The following SLC35G2 variants were observed in gnomAD, a reference collection of about 807,000 sequenced individuals.
The protein encoded by SLC35G2 is transmembrane protein 22.
A neutral mutation model predicts 27.2 loss-of-function variants in SLC35G2; 20 were observed. That is an observed-to-expected ratio of 0.74 (90% CI 0.52 to 1.07). The LOEUF is 1.07. Among genes scored for constraint, SLC35G2 ranks in the 50% least tolerant of loss-of-function variants. SLC35G2 has a pLI of 0.00. For missense variants in SLC35G2, 416 were observed against 493.3 expected, an observed-to-expected ratio of 0.84 and a Z score of 1.48; for synonymous variants, 148 against 165.3, an observed-to-expected ratio of 0.90 and a Z score of 0.80.
At chr3:136,819,998 C>T (rs1936406351) in intron 1 of SLC35G2, 1 of 152,246 alleles carries the variant, frequency 6.6e-6, no homozygotes, top group African/African-American at 2.4e-5. Flanking sequence ...CATTTGGCCT[C>T]ATTTGAGAGG....
intron 1 of SLC35G2, among the ~76,000 whole-genome samples, chr3:136,841,529 G>C (rs989061184): frequency 2.0e-5 from 3 of 152,048 alleles, no homozygotes; most frequent in Non-Finnish European, 4.4e-5. Flanking sequence ...GGGAGTTCGA[G>C]ACCAGCCTGA....
chr3:136,846,252 T>G (rs561222109), intron 1 of SLC35G2, among the ~76,000 whole-genome samples: 13 of 152,316 alleles, frequency 8.5e-5, no homozygotes, highest in African/African-American at 3.1e-4. Context: ...GCCATAGGAA[T>G]GAGGTGGTCT....
At chr3:136,837,143 AACACAC>A (rs35792092) in intron 1 of SLC35G2, among the ~76,000 whole-genome samples, 3 of 149,712 alleles carry the variant, frequency 2.0e-5, no homozygotes, top group East Asian at 1.9e-4. Flanking sequence ...ACACACACAC[AACACAC>A]ACACACACAC....
intron 1 of SLC35G2, among the ~76,000 whole-genome samples, chr3:136,824,468 A>T (rs1463995585): frequency 2.0e-5 from 3 of 152,080 alleles, no homozygotes; most frequent in Non-Finnish European, 4.4e-5. Context: ...TAGGTATTTA[A>T]TTTGATTTGT....
Position 136,855,786 on chromosome 3 carries a change from A to G in SLC35G2, c.*87A>G, listed in dbSNP as rs899288671. The G allele has an allele frequency of 9.5e-6, 10 of 1,048,854 alleles. No homozygotes were observed. The highest frequency in any genetic ancestry group is 3.1e-4 in the Middle Eastern group (1 of 3,254). 65.0% of individuals were successfully genotyped at this position (1,048,854 alleles called of 1,614,324 possible). On this transcript the variant is annotated 3_prime_UTR_variant, in exon 2 of 2. Transcript: ENST00000446465. ...TACCTATGAATGTCTTTTGTGTTAT[A>G]TAACTGACAGAGTGCTATAAAATAT...
chr3:136,848,826 G>T (rs1937509568), intron 1 of SLC35G2, among the ~76,000 whole-genome samples: 1 of 152,092 alleles, frequency 6.6e-6, no homozygotes, highest in Non-Finnish European at 1.5e-5. Context: ...ATTACCTATT[G>T]GGTGCAATGC....
chr3:136,851,295 C>T (rs1225854280), intron 1 of SLC35G2, among the ~76,000 whole-genome samples: 3 of 151,440 alleles, frequency 2.0e-5, no homozygotes, highest in Admixed American at 6.6e-5. Context: ...GAGATCGAGA[C>T]CGTCCTGGCT....
At chr3:136,825,566 A>G (rs1936564897) in intron 1 of SLC35G2, among the ~76,000 whole-genome samples, 1 of 152,048 alleles carries the variant, frequency 6.6e-6, no homozygotes, top group Non-Finnish European at 1.5e-5. Flanking sequence ...TTATGCTGGG[A>G]TATGTTCCTT....
chr3:136,833,196 A>G (rs910945058), intron 1 of SLC35G2, among the ~76,000 whole-genome samples: 6 of 152,072 alleles, frequency 3.9e-5, no homozygotes, highest in Non-Finnish European at 8.8e-5. Flanking sequence ...ACAGTGGGAG[A>G]ATTTAGATGA....
chr3:136,853,659 A>T (rs761803305), intron 1 of SLC35G2, among the ~76,000 whole-genome samples: 21 of 152,182 alleles, frequency 1.4e-4, no homozygotes, highest in Non-Finnish European at 2.4e-4. Context: ...TTTTCTTGGC[A>T]TCTTTATATA....
At chr3:136,851,230 C>G (rs1937614652) in intron 1 of SLC35G2, among the ~76,000 whole-genome samples, 1 of 151,734 alleles carries the variant, frequency 6.6e-6, no homozygotes, top group Non-Finnish European at 1.5e-5. Flanking sequence ...CGCGGTGGCT[C>G]ACGCCTGTAA....
At chr3:136,831,387 C>T (rs1338233937) in intron 1 of SLC35G2, among the ~76,000 whole-genome samples, 1 of 152,180 alleles carries the variant, frequency 6.6e-6, no homozygotes, top group African/African-American at 2.4e-5. Flanking sequence ...TTCATTTTTC[C>T]AGCATTTGTT....
chr3:136,826,607 T>C (rs1936592184), intron 1 of SLC35G2, among the ~76,000 whole-genome samples: 1 of 152,108 alleles, frequency 6.6e-6, no homozygotes, highest in South Asian at 2.1e-4. Context: ...TGGTATCAGT[T>C]GTAATGTCTC....
chr3:136,835,794 T>C (rs2108006566), intron 1 of SLC35G2, among the ~76,000 whole-genome samples: 1 of 152,322 alleles, frequency 6.6e-6, no homozygotes, highest in Middle Eastern at 3.4e-3. Context: ...ATCCAATAGA[T>C]TATAAGCCAT....
intron 1 of SLC35G2, among the ~76,000 whole-genome samples, chr3:136,850,553 A>G (rs542282547): frequency 7.3e-5 from 11 of 151,266 alleles, no homozygotes; most frequent in South Asian, 4.2e-4. Flanking sequence ...CCTTTCTTCT[A>G]TTAAACTCAG....
chr3:136,821,864 A>G (rs1936464566), intron 1 of SLC35G2, among the ~76,000 whole-genome samples: 1 of 152,212 alleles, frequency 6.6e-6, no homozygotes, highest in South Asian at 2.1e-4. Flanking sequence ...CTGTTGATTA[A>G]TAACTCCTGA....
At chr3:136,844,614 C>T (rs9289520) in intron 1 of SLC35G2, among the ~76,000 whole-genome samples, 103,007 of 151,284 alleles carry the variant, frequency 0.68, 35,330 homozygotes, top group East Asian at 0.87. Flanking sequence ...GCCTGGCCAA[C>T]ATGGCAAAAA....
chr3:136,855,072 C>T lies in SLC35G2; in HGVS notation c.612C>T (p.Val204=). Residue 204 remains valine, a synonymous_variant, in exon 2 of 2, where the codon GTC becomes GTT. Coordinates refer to ENST00000446465, the MANE Select transcript of SLC35G2 (RefSeq NM_025246.3). ...CTATGTGGAGAGCCACAACTACAGT[C>T]TTCAGTGCCATTTTGGCTTTTTTAC... The part of the protein sequence containing the change: ...GTTMWRATTT[V]FSAILAFLLV... The T allele has an allele frequency of 6.2e-7, 1 of 1,614,224 alleles. No homozygotes were observed. The highest frequency in any genetic ancestry group is 8.5e-7 in the Non-Finnish European group (1 of 1,180,048).
At chr3:136,826,629 C>G (rs1057236598) in intron 1 of SLC35G2, among the ~76,000 whole-genome samples, 1 of 151,872 alleles carries the variant, frequency 6.6e-6, no homozygotes, top group African/African-American at 2.4e-5. Flanking sequence ...TTTTTCATCT[C>G]TAATTTTATT....
Sources: allele counts gnomAD v4.1 joint callset (sites outside exome capture counted in the v4.1 genomes callset), GRCh38; gene constraint gnomAD v4.1.1; transcripts MANE v1.5; gene names NCBI Gene and HGNC (gene_info 2026-07-23, HGNC 2026-07-21).